Variants in LRRTM4 observed in about 807,000 individuals in gnomAD.
The protein encoded by LRRTM4 is leucine rich repeat transmembrane neuronal 4, also known as leucine-rich repeat transmembrane neuronal protein 4.
Under a neutral mutation model 47.6 loss-of-function variants are expected in LRRTM4, and 25 were observed. That is an observed-to-expected ratio of 0.53 (90% CI 0.38 to 0.73). The LOEUF is 0.73. Among genes scored for constraint, LRRTM4 ranks in the 30% least tolerant of loss-of-function variants. LRRTM4 has a pLI of 0.00. For missense variants in LRRTM4, 638 were observed against 713.4 expected (o/e 0.89, Z 1.20); for synonymous variants, 311 against 269.5 (o/e 1.15, Z -1.51).
At chr2:76,867,282 G>A (rs1672495161) in intron 3 of LRRTM4, among the ~76,000 whole-genome samples, 3 of 152,154 alleles carry the variant, frequency 2.0e-5, no homozygotes, top group Admixed American at 6.5e-5. Context: ...GCATTAGGAT[G>A]TGGTGTGGTG....
chr2:77,481,126 C>T (rs1677686147), intron 3 of LRRTM4, among the ~76,000 whole-genome samples: 2 of 152,156 alleles, frequency 1.3e-5, no homozygotes, highest in South Asian at 4.1e-4. Flanking sequence ...TATCAGAAAA[C>T]ACAACATGAA....
intron 3 of LRRTM4, among the ~76,000 whole-genome samples, chr2:77,202,589 G>A (rs944704599): frequency 3.3e-5 from 5 of 151,544 alleles, no homozygotes; most frequent in African/African-American, 1.2e-4. Flanking sequence ...GAAGGCTGAG[G>A]CCTAACTTTA....
At chr2:77,313,286 C>T (rs1677514134) in intron 3 of LRRTM4, among the ~76,000 whole-genome samples, 2 of 148,950 alleles carry the variant, frequency 1.3e-5, no homozygotes, top group Admixed American at 1.3e-4. Context: ...GGATGTGCCC[C>T]CCTAACTTTT....
intron 3 of LRRTM4, among the ~76,000 whole-genome samples, chr2:76,773,381 T>A (rs1673797746): frequency 6.6e-6 from 1 of 152,216 alleles, no homozygotes; most frequent in South Asian, 2.1e-4. Context: ...GCAGTAGTCT[T>A]AAATAAACTC....
chr2:77,420,625 T>G (rs1228094496), intron 3 of LRRTM4, among the ~76,000 whole-genome samples: 1 of 147,900 alleles, frequency 6.8e-6, no homozygotes, highest in Admixed American at 6.8e-5. Flanking sequence ...GTGTATGTGA[T>G]ATATATATAT....
intron 3 of LRRTM4, among the ~76,000 whole-genome samples, chr2:77,134,806 A>G (rs1319691379): frequency 6.6e-6 from 1 of 152,166 alleles, no homozygotes; most frequent in Non-Finnish European, 1.5e-5. Flanking sequence ...TTTTTTCATC[A>G]TTTAAGTAGC....
chr2:77,376,330 T>C (rs1281146502), intron 3 of LRRTM4, among the ~76,000 whole-genome samples: 1 of 151,730 alleles, frequency 6.6e-6, no homozygotes, highest in African/African-American at 2.4e-5. Context: ...CACAAAACGA[T>C]ATTACATTTG....
At chr2:77,232,181 C>T (rs956161701) in intron 3 of LRRTM4, among the ~76,000 whole-genome samples, 1 of 152,174 alleles carries the variant, frequency 6.6e-6, no homozygotes, top group African/African-American at 2.4e-5. Context: ...CAAATCTACT[C>T]TGCCTGTGAG....
At chr2:76,806,699 T>C (rs1421062508) in intron 3 of LRRTM4, among the ~76,000 whole-genome samples, 1 of 152,116 alleles carries the variant, frequency 6.6e-6, no homozygotes, top group Non-Finnish European at 1.5e-5. Context: ...GTTAAAAATG[T>C]GCATAAAATT....
intron 3 of LRRTM4, among the ~76,000 whole-genome samples, chr2:76,818,839 A>G (rs778666686): frequency 3.1e-4 from 47 of 151,944 alleles, no homozygotes; most frequent in Non-Finnish European, 6.5e-4. Context: ...TGAAATAATC[A>G]CATAAACTAC....
At chr2:77,474,025 A>C (rs1677285877) in intron 3 of LRRTM4, among the ~76,000 whole-genome samples, 1 of 152,144 alleles carries the variant, frequency 6.6e-6, no homozygotes, top group South Asian at 2.1e-4. Flanking sequence ...ATATAGTCCC[A>C]TATTGGTTAT....
intron 3 of LRRTM4, among the ~76,000 whole-genome samples, chr2:77,467,088 T>C (rs887387833): frequency 6.6e-6 from 1 of 152,198 alleles, no homozygotes; most frequent in Non-Finnish European, 1.5e-5. Flanking sequence ...ACTTTTTGTT[T>C]AATAAAACAG....
intron 3 of LRRTM4, among the ~76,000 whole-genome samples, chr2:77,449,994 A>T (rs918247027): frequency 3.3e-5 from 5 of 152,190 alleles, no homozygotes; most frequent in African/African-American, 1.2e-4. Context: ...TAATGCATAT[A>T]ACTCCAACAA....
chr2:77,206,425 TCCAC>T (rs1487521686), intron 3 of LRRTM4, among the ~76,000 whole-genome samples: 1 of 151,872 alleles, frequency 6.6e-6, no homozygotes, highest in Non-Finnish European at 1.5e-5. Context: ...CCTCAAGTGA[TCCAC>T]CCACCTCGGC....
intron 3 of LRRTM4, among the ~76,000 whole-genome samples, chr2:77,254,508 A>C (rs191380848): frequency 2.3e-3 from 344 of 152,078 alleles, no homozygotes; most frequent in African/African-American, 8.0e-3. Context: ...GAAAAATAGG[A>C]ATAAAAAATA....
chr2:77,137,888 A>C lies in LRRTM4; in HGVS notation c.1551+380430T>G, dbSNP rs192846762. ...CAAAAGAGACAAAGAAGGCCATTAC[A>C]TAATGGTGAGGGGATCAATTCAACA... is the stretch of plus-strand genomic sequence containing the variant. On this transcript the variant is annotated intron_variant, in intron 3 of 3. Transcript: ENST00000409884. 5.1e-4 allele frequency among the ~76,000 whole-genome samples: 77 copies of C among 152,304 alleles called. No homozygotes were observed. In the South Asian group the frequency reaches 0.012, roughly 24 times the overall value.
At chr2:76,864,383 C>G (rs539093746) in intron 3 of LRRTM4, among the ~76,000 whole-genome samples, 1 of 152,062 alleles carries the variant, frequency 6.6e-6, no homozygotes, top group Non-Finnish European at 1.5e-5. Flanking sequence ...GTGGGCTGGG[C>G]GTGGTGGCTC....
intron 3 of LRRTM4, among the ~76,000 whole-genome samples, chr2:76,796,774 G>A (rs543237401): frequency 3.7e-4 from 56 of 152,090 alleles, no homozygotes; most frequent in South Asian, 2.9e-3. Context: ...CCAAAGGAAC[G>A]CAGTTCCTCA....
intron 3 of LRRTM4, among the ~76,000 whole-genome samples, chr2:77,196,603 G>T (rs915499036): frequency 6.6e-6 from 1 of 152,074 alleles, no homozygotes; most frequent in East Asian, 1.9e-4. Flanking sequence ...AATTAGCCGG[G>T]TATGGTAGCA....
Sources: gnomAD v4.1 joint callset for allele counts (sites outside exome capture counted in the v4.1 genomes callset) on GRCh38, gnomAD v4.1.1 for gene constraint, MANE v1.5 for transcripts, NCBI Gene and HGNC (gene_info 2026-07-23, HGNC 2026-07-21) for gene names.